The following NUP153 variants were observed in gnomAD, a reference collection of about 807,000 sequenced individuals.
NUP153 encodes nucleoporin 153.
NUP153 carries 27 observed loss-of-function variants against 134.6 expected under a neutral mutation model. That is an observed-to-expected ratio of 0.20 (90% CI 0.15 to 0.28). NUP153 has a LOEUF of 0.28. NUP153 is among the 10% of genes least tolerant of loss of function. NUP153 has a pLI of 1.00. For synonymous variants in NUP153, 640 were observed against 623.5 expected (o/e 1.03, Z -0.40); for missense variants, 1,821 against 1,731.3 (o/e 1.05, Z -0.92).
chr6:17,702,432 C>T (rs1334708519), intron 1 of NUP153, among the ~76,000 whole-genome samples: 5 of 152,140 alleles, frequency 3.3e-5, no homozygotes, highest in African/African-American at 9.7e-5. Flanking sequence ...GGCGTGAACC[C>T]GGGAGGCAGA....
chr6:17,686,247 T>C (rs979137321), intron 2 of NUP153, among the ~76,000 whole-genome samples: 1 of 152,120 alleles, frequency 6.6e-6, no homozygotes, highest in African/African-American at 2.4e-5. Context: ...ATTGTTATCA[T>C]AGGAGATGAT....
intron 2 of NUP153, among the ~76,000 whole-genome samples, chr6:17,685,863 T>C (rs552818884): frequency 1.3e-5 from 2 of 151,518 alleles, no homozygotes; most frequent in Non-Finnish European, 2.9e-5. Flanking sequence ...AAAAAAAAAA[T>C]TGACTCACAG....
At chr6:17,661,255 A>C (rs2113815352) in intron 11 of NUP153, among the ~76,000 whole-genome samples, 1 of 152,298 alleles carries the variant, frequency 6.6e-6, no homozygotes, top group South Asian at 2.1e-4. Flanking sequence ...CAGAGGTTGC[A>C]CTGAGCCGAG....
chr6:17,658,710 T>C (rs77079186), intron 11 of NUP153, among the ~76,000 whole-genome samples: 6,212 of 152,238 alleles, frequency 0.041, 392 homozygotes, highest in East Asian at 0.29. Context: ...AGTGAAAATT[T>C]AAAAAATTGT....
At position 17,628,667 on chromosome 6, in the gene NUP153, T is replaced by C. The variant is rs1765070464; in HGVS notation, c.3532A>G (p.Ser1178Gly). 4 of 1,593,250 alleles carry C rather than the reference T, an allele frequency of 2.5e-6. No homozygotes were observed. The East Asian group carries it at 9.0e-5, about 36-fold the overall frequency. The change falls in exon 18 of 22, where the codon AGT (serine) becomes GGT (glycine). Residue 1178 changes from serine to glycine, a missense_variant. By Grantham distance (56) the Ser-to-Gly change is moderately conservative (BLOSUM62 0). Coordinates refer to ENST00000262077, the MANE Select transcript of NUP153 (RefSeq NM_005124.4). The surrounding 1 kb of genome is among the most constrained non-coding windows in gnomAD (Gnocchi z 5.4). ...KATFAFGAQT[S>G]TTADQGAAKP... is the part of the protein sequence containing the mutation. The stretch of plus-strand genomic sequence containing the variant: ...AGTTAATACTTACCAGCTGTAGTAC[T>C]AGTTTGAGCTCCAAAGGCAAAAGTG...
At chr6:17,648,002 A>C in intron 12 of NUP153, 97 bp from the exon 13 acceptor site, 3 of 733,134 alleles carry the variant, frequency 4.1e-6, no homozygotes, top group South Asian at 1.7e-5. Context: ...TTCCAAAGAC[A>C]CTAAGTATTT....
intron 13 of NUP153, 80 bp from the exon 14 acceptor site, chr6:17,646,234 G>T: frequency 1.5e-6 from 1 of 672,282 alleles, no homozygotes; most frequent in Non-Finnish European, 2.5e-6. Context: ...CCGAGACGGA[G>T]TCTTACTCTG....
intron 20 of NUP153, among the ~76,000 whole-genome samples, chr6:17,623,016 G>C (rs944938340): frequency 4.6e-5 from 7 of 151,856 alleles, no homozygotes; most frequent in African/African-American, 1.7e-4. Context: ...TGTAGTCCCA[G>C]CTACTTGGGA....
At chr6:17,668,195 C>A (rs1767666446) in intron 8 of NUP153, among the ~76,000 whole-genome samples, 1 of 151,128 alleles carries the variant, frequency 6.6e-6, no homozygotes, top group Non-Finnish European at 1.5e-5. Flanking sequence ...CCTGCCTCAG[C>A]CTCCGGAGTA....
At chr6:17,633,485 T>C (rs1479611193) in intron 16 of NUP153, among the ~76,000 whole-genome samples, 2 of 152,146 alleles carry the variant, frequency 1.3e-5, no homozygotes, top group Admixed American at 6.5e-5. Context: ...TCTGGGGACA[T>C]TAAAGATGAA....
intron 5 of NUP153, among the ~76,000 whole-genome samples, chr6:17,672,463 C>A (rs913917765): frequency 7.9e-5 from 12 of 152,232 alleles, no homozygotes; most frequent in Non-Finnish European, 8.8e-5. Flanking sequence ...GTGGTCCCAG[C>A]TACTCAGGAG....
intron 20 of NUP153, among the ~76,000 whole-genome samples, chr6:17,619,276 A>C (rs1377237050): frequency 3.3e-5 from 5 of 152,236 alleles, no homozygotes; most frequent in African/African-American, 1.2e-4. Flanking sequence ...GGAGAGAATA[A>C]AGATCCCTGC....
At position 17,686,612 on chromosome 6, in the gene NUP153, G is replaced by T. The variant is rs183710641; in HGVS notation, c.334+1784C>A. On this transcript the variant is annotated intron_variant, in intron 2 of 21. Transcript: ENST00000262077. ...GGGTTTCACCATGTTAGCCAGGATG[G>T]TCTCAATCTCCTGACCTCATGATCC... Among the ~76,000 whole-genome samples, 32 of 151,076 alleles carry T rather than the reference G, an allele frequency of 2.1e-4. No homozygotes were observed. The East Asian group carries it at 6.2e-3, about 29-fold the overall frequency.
Position 17,628,153 on chromosome 6 carries a change from G to A in NUP153, c.3544+502C>T, listed in dbSNP as rs116739909. On this transcript the variant is annotated intron_variant, in intron 18 of 21. Transcript: ENST00000262077. This position sits in a 1 kb window ranked among gnomAD's most constrained non-coding sequence, Gnocchi z 5.4. ...CAATCATGCTTTTAACCTTTAAGGT[G>A]CTATGTCATTTTTTTCCCCAGGACT... Among the ~76,000 whole-genome samples the A allele has an allele frequency of 4.5e-3, 691 of 152,262 alleles. 4 individuals carry two copies. The highest frequency in any genetic ancestry group is 0.014 in the Middle Eastern group (4 of 294).
rs1287025186 is a variant in NUP153, at chr6:17,615,366, C to T, written c.*731G>A. 1.3e-5 allele frequency: 2 copies of T among 152,280 alleles called. No homozygotes were observed. The highest frequency in any genetic ancestry group is 2.9e-5 in the Non-Finnish European group (2 of 67,958). 9.4% of individuals were successfully genotyped at this position (152,280 alleles called of 1,614,324 possible). A position where few individuals can be genotyped will look rare whatever the true frequency, so the allele number is the denominator to read the frequency against. Reference sequence around the variant, plus strand: ...AAACAAACAACAAAAAAATCTCTAACACAAAATTCAAATTTCAAGTTCACA... The same window carrying T: ...AAACAAACAACAAAAAAATCTCTAATACAAAATTCAAATTTCAAGTTCACA... On this transcript the variant is annotated 3_prime_UTR_variant, in exon 22 of 22. Transcript: ENST00000262077. This position sits in a 1 kb window ranked among gnomAD's most constrained non-coding sequence, Gnocchi z 5.7.
intron 14 of NUP153, among the ~76,000 whole-genome samples, chr6:17,641,246 C>A (rs559349341): frequency 7.2e-4 from 110 of 152,108 alleles, no homozygotes; most frequent in African/African-American, 2.6e-3. Flanking sequence ...CAATAAGAAA[C>A]AAGATGCGGC....
intron 17 of NUP153, among the ~76,000 whole-genome samples, chr6:17,630,242 T>G (rs1187274179): frequency 6.6e-6 from 1 of 152,046 alleles, no homozygotes; most frequent in East Asian, 1.9e-4. Flanking sequence ...AGAGAAGAGA[T>G]TGAACCTTGT....
chr6:17,616,767 T>C (rs1244409679), intron 20 of NUP153, 72 bp from the exon 21 acceptor site: 18 of 1,437,386 alleles, frequency 1.3e-5, no homozygotes, highest in Non-Finnish European at 1.7e-5. Flanking sequence ...GTTTGTTTTT[T>C]GAGACGGAGT....
intron 16 of NUP153, among the ~76,000 whole-genome samples, chr6:17,633,845 A>T (rs1320989310): frequency 2.0e-5 from 3 of 152,138 alleles, no homozygotes; most frequent in African/African-American, 7.2e-5. Context: ...CCATCTTGCC[A>T]ACCAAATTGC....
Sources: allele counts gnomAD v4.1 joint callset (sites outside exome capture counted in the v4.1 genomes callset), GRCh38; gene constraint gnomAD v4.1.1; non-coding constraint Gnocchi (gnomAD v3.1); transcripts MANE v1.5; gene names NCBI Gene and HGNC (gene_info 2026-07-23, HGNC 2026-07-21).